PRKCB: variants seen among roughly 807,000 people sequenced by gnomAD.
PRKCB encodes the protein protein kinase C beta type.
A neutral mutation model predicts 81.5 loss-of-function variants in PRKCB; 13 were observed. That is an observed-to-expected ratio of 0.16 (90% CI 0.10 to 0.25). The LOEUF (loss-of-function observed/expected upper bound fraction) is 0.25, where lower values mean the gene tolerates loss of function less well. Ranked by LOEUF, PRKCB falls within the 10% of genes least tolerant of loss-of-function variation. The pLI is 1.00. For synonymous variants in PRKCB, 335 were observed against 321.4 expected, an observed-to-expected ratio of 1.04 and a Z score of -0.45; for missense variants, 509 against 875.7, an observed-to-expected ratio of 0.58 and a Z score of 5.29.
chr16:23,918,690 C>T (rs1963780581), intron 2 of PRKCB, among the ~76,000 whole-genome samples: 1 of 152,150 alleles, frequency 6.6e-6, no homozygotes, highest in Non-Finnish European at 1.5e-5. Context: ...AGGCACCATG[C>T]CAGGCCTTTT....
intron 2 of PRKCB, among the ~76,000 whole-genome samples, chr16:23,848,535 T>C (rs886067681): frequency 1.3e-5 from 2 of 152,194 alleles, no homozygotes; most frequent in Non-Finnish European, 2.9e-5. Flanking sequence ...ACATCTCTCT[T>C]CACTGTATCC....
chr16:24,085,787 A>T (rs1275788881), intron 5 of PRKCB, among the ~76,000 whole-genome samples: 1 of 152,152 alleles, frequency 6.6e-6, no homozygotes, highest in African/African-American at 2.4e-5. Context: ...GCCATTGCTA[A>T]CTTAGTTCCT....
intron 2 of PRKCB, among the ~76,000 whole-genome samples, chr16:23,884,800 C>T (rs941288763): frequency 3.3e-5 from 5 of 152,188 alleles, no homozygotes; most frequent in African/African-American, 1.2e-4. Flanking sequence ...CTCAGCCTCC[C>T]AAAGTGCTAG....
At chr16:24,213,096 G>A (rs1440437254) in intron 16 of PRKCB, among the ~76,000 whole-genome samples, 4 of 151,622 alleles carry the variant, frequency 2.6e-5, no homozygotes, top group Non-Finnish European at 4.4e-5. Context: ...GTGCAGTGGC[G>A]CGATCTCAGC....
At chr16:23,861,818 G>T (rs575699771) in intron 2 of PRKCB, among the ~76,000 whole-genome samples, 4 of 152,286 alleles carry the variant, frequency 2.6e-5, no homozygotes, top group African/African-American at 9.6e-5. Flanking sequence ...AAGAGGGAGA[G>T]GATCTGTCTC....
chr16:23,943,585 CATATAA>C (rs747094205), intron 2 of PRKCB, among the ~76,000 whole-genome samples: 7 of 152,132 alleles, frequency 4.6e-5, no homozygotes, highest in Admixed American at 6.5e-5. Flanking sequence ...GTTACACATA[CATATAA>C]ATATAAATTC....
chr16:24,219,829 C>T lies in PRKCB; in HGVS notation c.*5013C>T. 1 of 1,435,000 alleles carries T rather than the reference C, an allele frequency of 7.0e-7. No individual in the cohort carries two copies. Among genetic ancestry groups the T allele is most frequent in the Non-Finnish European group, 9.1e-7 (1 of 1,093,580 alleles). The allele number at this position is 1,435,000 out of a possible 1,614,324, so 88.9% of individuals were successfully genotyped here. A position where few individuals can be genotyped will look rare whatever the true frequency, so the allele number is the denominator to read the frequency against. ...AAAGCCAGTGCGTGGAGTGCAGCTG[C>T]TAAAAATTTTCAGCACAGGGCTCTT... is the stretch of plus-strand genomic sequence containing the variant. On this transcript the variant is annotated 3_prime_UTR_variant, in exon 17 of 17. Coordinates refer to ENST00000643927, the MANE Select transcript of PRKCB (RefSeq NM_002738.7).
At chr16:24,147,262 C>G (rs373434817) in intron 9 of PRKCB, among the ~76,000 whole-genome samples, 1 of 150,390 alleles carries the variant, frequency 6.6e-6, no homozygotes, top group South Asian at 2.1e-4. Context: ...GAGCCGAGAT[C>G]GCACCACTGC....
At chr16:23,886,963 G>T (rs1339318968) in intron 2 of PRKCB, among the ~76,000 whole-genome samples, 2 of 151,990 alleles carry the variant, frequency 1.3e-5, no homozygotes, top group Non-Finnish European at 2.9e-5. Context: ...GGGGTCACTG[G>T]GGCCATGGGC....
chr16:23,855,930 A>G (rs1167432986), intron 2 of PRKCB, among the ~76,000 whole-genome samples: 1 of 152,200 alleles, frequency 6.6e-6, no homozygotes, highest in Non-Finnish European at 1.5e-5. Flanking sequence ...AGCTGGGGGA[A>G]TGAGTGCCTT....
chr16:24,188,923 C>T (rs1034472060), intron 15 of PRKCB, among the ~76,000 whole-genome samples: 12 of 152,260 alleles, frequency 7.9e-5, no homozygotes, highest in Admixed American at 2.0e-4. Context: ...GCCTTTAGCA[C>T]GGAGCCTGAA....
chr16:23,965,744 G>C (rs1964479738), intron 2 of PRKCB, among the ~76,000 whole-genome samples: 1 of 152,078 alleles, frequency 6.6e-6, no homozygotes, highest in African/African-American at 2.4e-5. Context: ...CCTTCTCCGG[G>C]AGCTGCCAAA....
chr16:24,062,238 CTG>C (rs1244031378), intron 5 of PRKCB, among the ~76,000 whole-genome samples: 2 of 152,318 alleles, frequency 1.3e-5, no homozygotes, highest in East Asian at 3.9e-4. Flanking sequence ...GCTGGAGGGT[CTG>C]TGAGGCCCTC....
intron 2 of PRKCB, among the ~76,000 whole-genome samples, chr16:23,877,688 TCA>T (rs1963038263): frequency 6.6e-6 from 1 of 152,226 alleles, no homozygotes; most frequent in Non-Finnish European, 1.5e-5. Flanking sequence ...TGATTTCATT[TCA>T]GTCTTTAAGC....
At chr16:23,992,730 C>A (rs1440601577) in intron 3 of PRKCB, among the ~76,000 whole-genome samples, 3 of 152,134 alleles carry the variant, frequency 2.0e-5, no homozygotes, top group Non-Finnish European at 4.4e-5. Flanking sequence ...CCTCATCCTG[C>A]AATTGGCTGA....
chr16:24,185,047 A>T, intron 13 of PRKCB, 64 bp from the exon 14 acceptor site: 2 of 1,350,326 alleles, frequency 1.5e-6, no homozygotes, highest in African/African-American at 1.4e-5. Context: ...AAGAAGAGTG[A>T]AATCTGTCTC....
intron 10 of PRKCB, among the ~76,000 whole-genome samples, chr16:24,155,421 C>G (rs1485379278): frequency 6.6e-6 from 1 of 152,192 alleles, no homozygotes; most frequent in African/African-American, 2.4e-5. Flanking sequence ...ACTGTGATTT[C>G]AACCCTATCT....
At position 24,218,202 on chromosome 16, in the gene PRKCB, A is replaced by G. The variant is rs866137402; in HGVS notation, c.*3386A>G. The G allele has an allele frequency of 1.8e-5, 18 of 985,270 alleles. No individual in the cohort carries two copies. The highest frequency in any genetic ancestry group is 1.1e-4 in the East Asian group (1 of 8,822). The allele number at this position is 985,270 out of a possible 1,614,324, so 61.0% of individuals were successfully genotyped here. On this transcript the variant is annotated 3_prime_UTR_variant, in exon 17 of 17. Transcript: ENST00000643927. ...ATAAACAAGACAATTTCTGAAAGCAATAAGTGCAATCAAGATAATTAAAGG... is the reference window on the plus strand; with the variant it reads ...ATAAACAAGACAATTTCTGAAAGCAGTAAGTGCAATCAAGATAATTAAAGG...
intron 9 of PRKCB, among the ~76,000 whole-genome samples, chr16:24,141,667 A>T (rs1188666124): frequency 6.6e-6 from 1 of 152,196 alleles, no homozygotes; most frequent in Non-Finnish European, 1.5e-5. Context: ...CAGGGTACAT[A>T]GTTCCTTTTC....
Sources: allele counts gnomAD v4.1 joint callset (sites outside exome capture counted in the v4.1 genomes callset), GRCh38; gene constraint gnomAD v4.1.1; transcripts MANE v1.5; gene names NCBI Gene and HGNC (gene_info 2026-07-23, HGNC 2026-07-21).